MAST2: variants seen among roughly 807,000 people sequenced by gnomAD.
The protein encoded by MAST2 is microtubule associated serine/threonine kinase 2.
A neutral mutation model predicts 147.4 loss-of-function variants in MAST2; 70 were observed. The ratio of observed to expected loss-of-function variants is 0.47; its 90% CI spans 0.39 to 0.58. The LOEUF is 0.58. Among genes scored for constraint, MAST2 ranks in the 20% least tolerant of loss-of-function variants. The pLI is 0.00. For synonymous variants in MAST2, 869 were observed against 896.8 expected (o/e 0.97, Z 0.55); for missense variants, 2,080 against 2,302.3 (o/e 0.90, Z 1.98).
intron 4 of MAST2, among the ~76,000 whole-genome samples, chr1:45,927,231 G>A (rs1221150781): frequency 6.6e-6 from 1 of 152,204 alleles, no homozygotes; most frequent in Non-Finnish European, 1.5e-5. Context: ...CAGGACCGAG[G>A]CGAAATTAAA....
intron 18 of MAST2, 136 bp from the exon 19 acceptor site, chr1:46,029,330 G>A: frequency 1.6e-6 from 1 of 642,706 alleles, no homozygotes; most frequent in Non-Finnish European, 2.7e-6. Context: ...AAGGACTGGG[G>A]TCCCAGGCAA....
At chr1:45,975,777 A>C (rs1644126624) in intron 5 of MAST2, among the ~76,000 whole-genome samples, 1 of 151,748 alleles carries the variant, frequency 6.6e-6, no homozygotes, top group African/African-American at 2.4e-5. Flanking sequence ...AAAGTCACGG[A>C]GGGCTATATG....
At chr1:45,869,024 C>T (rs1646273410) in intron 3 of MAST2, among the ~76,000 whole-genome samples, 1 of 152,160 alleles carries the variant, frequency 6.6e-6, no homozygotes, top group African/African-American at 2.4e-5. Flanking sequence ...TCTTGTCCCT[C>T]TTCTTTGCCC....
chr1:46,016,146 C>G (rs1211484916), intron 10 of MAST2, among the ~76,000 whole-genome samples: 1 of 149,118 alleles, frequency 6.7e-6, no homozygotes, highest in Non-Finnish European at 1.5e-5. Flanking sequence ...TAAAAACTCT[C>G]AGTAAATTAG....
intron 3 of MAST2, among the ~76,000 whole-genome samples, chr1:45,865,505 A>G (rs1392454976): frequency 6.6e-6 from 1 of 152,150 alleles, no homozygotes; most frequent in East Asian, 1.9e-4. Context: ...ATTAAGTCAC[A>G]TGTATGGTAG....
chr1:45,816,355 C>G (rs1644455391), intron 1 of MAST2, among the ~76,000 whole-genome samples: 1 of 152,150 alleles, frequency 6.6e-6, no homozygotes, highest in African/African-American at 2.4e-5. Context: ...CAGACACTGA[C>G]AAATACCCAC....
chr1:45,919,791 G>GGTTT (rs1557906541), intron 4 of MAST2, among the ~76,000 whole-genome samples: 2 of 140,632 alleles, frequency 1.4e-5, no homozygotes, highest in Non-Finnish European at 1.6e-5. Flanking sequence ...TAAATTTCAT[G>GGTTT]TTTTTTTTTT....
chr1:45,812,535 C>G (rs1206120796), intron 1 of MAST2, among the ~76,000 whole-genome samples: 1 of 150,212 alleles, frequency 6.7e-6, no homozygotes, highest in African/African-American at 2.4e-5. Context: ...TCAAGTGATT[C>G]TCCTGCCTCA....
At chr1:45,825,954 G>A (rs1398490603) in intron 2 of MAST2, among the ~76,000 whole-genome samples, 2 of 151,876 alleles carry the variant, frequency 1.3e-5, no homozygotes, top group East Asian at 3.9e-4. Context: ...ATATGTGTCT[G>A]TGATCCCAGC....
chr1:45,985,399 T>G (rs540261821), intron 5 of MAST2, among the ~76,000 whole-genome samples: 11 of 152,290 alleles, frequency 7.2e-5, no homozygotes, highest in African/African-American at 2.2e-4. Flanking sequence ...CAGCCAGCTT[T>G]CGACCTATGT....
intron 4 of MAST2, among the ~76,000 whole-genome samples, chr1:45,897,806 C>T (rs1173667361): frequency 6.8e-6 from 1 of 147,014 alleles, no homozygotes; most frequent in Non-Finnish European, 1.5e-5. Flanking sequence ...AAGACCCTGT[C>T]TTAAAAAAAC....
intron 11 of MAST2, 32 bp downstream of exon 11, chr1:46,019,729 G>C: frequency 6.4e-7 from 1 of 1,570,942 alleles, no homozygotes; most frequent in Non-Finnish European, 8.8e-7. Flanking sequence ...CAGGTGGGCA[G>C]ATTTAGAGGA....
chr1:45,816,711 C>T (rs1243086432), intron 1 of MAST2, among the ~76,000 whole-genome samples: 1 of 152,108 alleles, frequency 6.6e-6, no homozygotes, highest in Non-Finnish European at 1.5e-5. Context: ...GATGGAGTCT[C>T]GCTCTGTTGC....
chr1:45,914,485 A>T (rs1652162203), intron 4 of MAST2, among the ~76,000 whole-genome samples: 1 of 152,230 alleles, frequency 6.6e-6, no homozygotes, highest in Non-Finnish European at 1.5e-5. Context: ...AGAAGTGCCA[A>T]GTGAATTCAT....
In MAST2 at chr1:46,030,194, C is replaced by G. The variant is rs747540704; in HGVS notation, c.2509C>G (p.Leu837Val). 1.9e-6 allele frequency: 3 copies of G among 1,614,216 alleles called. No individual in the cohort carries two copies. The highest frequency in any genetic ancestry group is 1.3e-5 in the African/African-American group (1 of 75,058). The change falls in exon 21 of 29, where the codon CTT becomes GTT. Residue 837 changes from leucine to valine, a missense_variant. Leu to Val is a conservative substitution (Grantham distance 32, BLOSUM62 1). This residue lies in a region of MAST2 where 1,278 missense variants were observed against 1,304.2 expected (regional missense o/e 0.98). Transcript: ENST00000361297. ...DEEEVSEDGC[L>V]EIRQFSSCSP... ...GGAAGAAGTGAGTGAGGATGGCTGC[C>G]TTGAGATCCGCCAGTTCTCTTCCTG...
intron 16 of MAST2, among the ~76,000 whole-genome samples, 200 bp downstream of exon 16, chr1:46,026,015 T>C (rs1199310143): frequency 6.6e-6 from 1 of 152,090 alleles, no homozygotes; most frequent in East Asian, 1.9e-4. Context: ...GCTGGAACAC[T>C]ATAAGGCTTC....
chr1:45,828,669 T>C (rs1644862606), intron 2 of MAST2, among the ~76,000 whole-genome samples: 1 of 152,204 alleles, frequency 6.6e-6, no homozygotes, highest in African/African-American at 2.4e-5. Context: ...ATGCCTGTAA[T>C]CCCAGCACTA....
chr1:45,960,682 CTG>C (rs977498442), intron 5 of MAST2, among the ~76,000 whole-genome samples: 1 of 152,134 alleles, frequency 6.6e-6, no homozygotes. Flanking sequence ...GCTGAAAGGG[CTG>C]CAGCACTTCT....
At chr1:45,857,108 T>A (rs549199266) in intron 3 of MAST2, among the ~76,000 whole-genome samples, 5 of 152,338 alleles carry the variant, frequency 3.3e-5, no homozygotes, top group Non-Finnish European at 5.9e-5. Flanking sequence ...TATGTATTCA[T>A]TTTTTGTTTA....
Sources: gnomAD v4.1 joint callset for allele counts (sites outside exome capture counted in the v4.1 genomes callset) on GRCh38, gnomAD v4.1.1 for gene constraint, gnomAD v4.1.1 regional missense constraint, MANE v1.5 for transcripts, NCBI Gene and HGNC (gene_info 2026-07-23, HGNC 2026-07-21) for gene names.